Variants in PTPRN2 observed in about 807,000 individuals in gnomAD.
The protein encoded by PTPRN2 is receptor-type tyrosine-protein phosphatase N2.
Under a neutral mutation model 118.8 loss-of-function variants are expected in PTPRN2, and 74 were observed. The observed-to-expected ratio is 0.62, with a 90% CI of 0.52 to 0.76. The LOEUF (loss-of-function observed/expected upper bound fraction) is 0.76. Ranked by LOEUF, PTPRN2 falls within the 30% of genes least tolerant of loss-of-function variation. PTPRN2 has a pLI of 0.00. For missense variants in PTPRN2, 1,481 were observed against 1,394.4 expected (o/e 1.06, Z -0.99); for synonymous variants, 641 against 608.0 (o/e 1.05, Z -0.80).
In PTPRN2 at chr7:157,881,632, T is replaced by C. The variant is rs1003285642; in HGVS notation, c.1788+17041A>G. Among the ~76,000 whole-genome samples, 8 of 152,144 alleles carry C rather than the reference T, an allele frequency of 5.3e-5. No individual in the cohort carries two copies. The highest frequency in any genetic ancestry group is 1.9e-4 in the African/African-American group (8 of 41,436). On this transcript the variant is annotated intron_variant, in intron 12 of 22. Coordinates refer to ENST00000389418, the MANE Select transcript of PTPRN2 (RefSeq NM_002847.5). This position sits in a 1 kb window ranked among gnomAD's most constrained non-coding sequence, Gnocchi z 4.7. ...CCCTGTGACTGCAGGGATGCGTCTC[T>C]GCCTACGAGAAAGGAGAGGATTTCC...
intron 1 of PTPRN2, among the ~76,000 whole-genome samples, chr7:158,557,028 G>A (rs1192756264): frequency 4.5e-5 from 6 of 134,554 alleles, no homozygotes; most frequent in African/African-American, 1.5e-4. Context: ...TCCCACGCAG[G>A]TCAGAGGGCT....
intron 17 of PTPRN2, among the ~76,000 whole-genome samples, chr7:157,582,803 G>A (rs566946068): frequency 6.6e-6 from 1 of 152,098 alleles, no homozygotes; most frequent in African/African-American, 2.4e-5. Context: ...GAACCTAGGA[G>A]GCGGAGGTTG....
chr7:157,578,189 C>T (rs1347515439), intron 17 of PTPRN2, 49 bp from the exon 18 acceptor site: 3 of 1,559,462 alleles, frequency 1.9e-6, no homozygotes, highest in South Asian at 1.2e-5. Flanking sequence ...CTCATCACCG[C>T]GTGACATGTG....
At chr7:157,774,744 A>G (rs1393754305) in intron 12 of PTPRN2, among the ~76,000 whole-genome samples, 1 of 152,106 alleles carries the variant, frequency 6.6e-6, no homozygotes, top group Non-Finnish European at 1.5e-5. Flanking sequence ...CCGACAGGGG[A>G]GGTCTTCGAG....
At chr7:158,390,246 T>G (rs1181893021) in intron 2 of PTPRN2, among the ~76,000 whole-genome samples, 1 of 152,122 alleles carries the variant, frequency 6.6e-6, no homozygotes, top group African/African-American at 2.4e-5. Flanking sequence ...GCTCAGTGGC[T>G]GCTATGTGGA....
At position 158,396,178 on chromosome 7, in the gene PTPRN2, C is replaced by T. The variant is rs1288921297; in HGVS notation, c.164-79246G>A. Reference sequence around the variant, plus strand: ...CGTGGGCTGAGGAGGCACTCCCTAACGGGAGACAGCGCCCAGCCAGGGCTG... The same window carrying T: ...CGTGGGCTGAGGAGGCACTCCCTAATGGGAGACAGCGCCCAGCCAGGGCTG... On this transcript the variant is annotated intron_variant, in intron 2 of 22. Coordinates refer to ENST00000389418, the MANE Select transcript of PTPRN2 (RefSeq NM_002847.5). Among the ~76,000 whole-genome samples, 5 of 152,296 alleles carry T rather than the reference C, an allele frequency of 3.3e-5. No individual in the cohort carries two copies. The East Asian group carries it at 7.7e-4, about 24-fold the overall frequency.
chr7:158,336,594 C>G (rs1586345465), intron 2 of PTPRN2, among the ~76,000 whole-genome samples: 1 of 148,096 alleles, frequency 6.8e-6, no homozygotes, highest in Non-Finnish European at 1.5e-5. Context: ...AGACGTCATT[C>G]ACACCCACAC....
intron 12 of PTPRN2, chr7:157,863,895 A>T (rs1361855078): frequency 1.3e-5 from 2 of 152,230 alleles, no homozygotes; most frequent in Non-Finnish European, 2.9e-5. Context: ...TCGACCTCGG[A>T]CTTCCAGCCT....
At chr7:158,151,178 G>A (rs13231107) in intron 6 of PTPRN2, among the ~76,000 whole-genome samples, 1,429 of 10,774 alleles carry the variant, frequency 0.13, 365 homozygotes, top group Middle Eastern at 0.5. Context: ...CCGCCTTTCT[G>A]CTCCTGCCTC....
intron 6 of PTPRN2, among the ~76,000 whole-genome samples, chr7:158,152,427 T>C (rs990722876): frequency 2.0e-5 from 3 of 152,268 alleles, no homozygotes; most frequent in Non-Finnish European, 4.4e-5. Context: ...AGAAGCTGCC[T>C]GGCGTGTTGG....
chr7:158,063,717 G>A (rs1326661742), intron 11 of PTPRN2, among the ~76,000 whole-genome samples: 1 of 152,070 alleles, frequency 6.6e-6, no homozygotes, highest in Non-Finnish European at 1.5e-5. Flanking sequence ...AACATTAGAA[G>A]GAACAAACTC....
chr7:157,657,574 CAT>C (rs1430283248), intron 13 of PTPRN2, among the ~76,000 whole-genome samples: 1 of 93,182 alleles, frequency 1.1e-5, no homozygotes, highest in Non-Finnish European at 2.5e-5. Flanking sequence ...ACACATCACA[CAT>C]ATACACACAC....
chr7:158,162,759 G>C (rs866744283), intron 6 of PTPRN2, among the ~76,000 whole-genome samples: 1 of 152,050 alleles, frequency 6.6e-6, no homozygotes, highest in African/African-American at 2.4e-5. Context: ...TGAAGGAAGA[G>C]AGTCTCTTTT....
At chr7:158,105,231 ACTCCATCCCAACTCCACCCTCAG>A (rs1815582044) in intron 10 of PTPRN2, among the ~76,000 whole-genome samples, 1 of 137,936 alleles carries the variant, frequency 7.2e-6, no homozygotes, top group Non-Finnish European at 1.6e-5. Context: ...GCTCCATCAA[ACTCCATCCCAACTCCACCCTCAG>A]CTCCATCCCA....
At chr7:157,700,047 A>C (rs1016286593) in intron 12 of PTPRN2, among the ~76,000 whole-genome samples, 1 of 152,254 alleles carries the variant, frequency 6.6e-6, no homozygotes, top group East Asian at 1.9e-4. Context: ...TGATATACCT[A>C]CTTCGACCTT....
chr7:157,797,577 G>A (rs753527357), intron 12 of PTPRN2, among the ~76,000 whole-genome samples: 5 of 152,200 alleles, frequency 3.3e-5, no homozygotes, highest in Admixed American at 6.5e-5. Context: ...TCCAAGGCCC[G>A]GACGGGAGGC....
At chr7:157,752,718 G>A (rs1801554620) in intron 12 of PTPRN2, among the ~76,000 whole-genome samples, 3 of 152,318 alleles carry the variant, frequency 2.0e-5, no homozygotes, top group South Asian at 2.1e-4. Context: ...CCTACCTGGA[G>A]TCCAGCATCC....
intron 2 of PTPRN2, among the ~76,000 whole-genome samples, chr7:158,431,792 C>G (rs1816221167): frequency 6.6e-6 from 1 of 152,074 alleles, no homozygotes; most frequent in African/African-American, 2.4e-5. Flanking sequence ...GACACACTGG[C>G]TCACACCGGG....
At chr7:158,480,424 T>C (rs530086032) in intron 2 of PTPRN2, among the ~76,000 whole-genome samples, 77 of 152,306 alleles carry the variant, frequency 5.1e-4, no homozygotes, top group African/African-American at 1.8e-3. Context: ...CCAGCCTCCC[T>C]ATTCCCTGAG....
Sources: gnomAD v4.1 joint callset for allele counts (sites outside exome capture counted in the v4.1 genomes callset) on GRCh38, gnomAD v4.1.1 for gene constraint, Gnocchi (gnomAD v3.1) non-coding constraint, MANE v1.5 for transcripts, NCBI Gene and HGNC (gene_info 2026-07-23, HGNC 2026-07-21) for gene names.